The following KRCC1 variants were observed in gnomAD, a reference collection of about 807,000 sequenced individuals.
KRCC1 encodes the protein lysine rich coiled-coil 1, also known as lysine-rich coiled-coil protein 1.
KRCC1 carries 3 observed loss-of-function variants against 7.4 expected under a neutral mutation model. The observed-to-expected ratio is 0.40, with a 90% CI of 0.18 to 1.04. The LOEUF (loss-of-function observed/expected upper bound fraction) is 1.04. KRCC1 is among the 50% of genes least tolerant of loss of function. The pLI, the probability that KRCC1 is intolerant of heterozygous loss-of-function variation, is 0.33. For synonymous variants in KRCC1, 102 were observed against 101.6 expected, an observed-to-expected ratio of 1.00 and a Z score of -0.02; for missense variants, 277 against 300.9, an observed-to-expected ratio of 0.92 and a Z score of 0.59.
intron 1 of KRCC1, among the ~76,000 whole-genome samples, chr2:88,046,436 G>C (rs1025122471): frequency 2.0e-5 from 3 of 152,186 alleles, no homozygotes; most frequent in Non-Finnish European, 2.9e-5. Flanking sequence ...TTTGTATTGT[G>C]GTTCAGGATT....
intron 1 of KRCC1, among the ~76,000 whole-genome samples, chr2:88,053,225 A>G (rs912454239): frequency 6.6e-6 from 1 of 152,114 alleles, no homozygotes; most frequent in East Asian, 1.9e-4. Context: ...AGGGTCATTT[A>G]GCTGTAGGAG....
At chr2:88,029,724 G>T (rs1046291823) in intron 3 of KRCC1, among the ~76,000 whole-genome samples, 3 of 151,256 alleles carry the variant, frequency 2.0e-5, no homozygotes, top group Admixed American at 6.6e-5. Flanking sequence ...ATTCTTTTTT[G>T]GGGGGAAGGG....
Position 88,027,693 on chromosome 2 carries a change from C to T in KRCC1, c.*91G>A. 8.8e-7 allele frequency: 1 copy of T among 1,138,994 alleles called. No homozygotes were observed. Among genetic ancestry groups the T allele is most frequent in the Non-Finnish European group, 1.2e-6 (1 of 803,726 alleles). The allele number at this position is 1,138,994 out of a possible 1,614,324, so 70.6% of individuals were successfully genotyped here. Reference sequence around the variant, plus strand: ...TGTTAGAAGTTAAAGAACCTATTCACATAAGAAAAGTGGTATGAACACGGA... The same window carrying T: ...TGTTAGAAGTTAAAGAACCTATTCATATAAGAAAAGTGGTATGAACACGGA... On this transcript the variant is annotated 3_prime_UTR_variant, in exon 4 of 4. Coordinates refer to ENST00000347055, the MANE Select transcript of KRCC1 (RefSeq NM_016618.3).
intron 1 of KRCC1, among the ~76,000 whole-genome samples, chr2:88,045,427 T>A (rs1673307607): frequency 6.6e-6 from 1 of 152,162 alleles, no homozygotes; most frequent in South Asian, 2.1e-4. Flanking sequence ...GCAACACGGA[T>A]GAATCTCAAA....
chr2:88,038,980 C>G (rs1018232228), intron 1 of KRCC1, among the ~76,000 whole-genome samples: 1 of 152,124 alleles, frequency 6.6e-6, no homozygotes, highest in Admixed American at 6.5e-5. Context: ...GTATTAGACA[C>G]GCTGCTTCAG....
chr2:88,037,228 G>C (rs1165410644), intron 1 of KRCC1, among the ~76,000 whole-genome samples, 177 bp from the exon 2 acceptor site: 1 of 152,170 alleles, frequency 6.6e-6, no homozygotes, highest in South Asian at 2.1e-4. Flanking sequence ...AAAATATTTA[G>C]TAAGACTGTA....
At chr2:88,039,665 G>A (rs899646757) in intron 1 of KRCC1, among the ~76,000 whole-genome samples, 12 of 152,018 alleles carry the variant, frequency 7.9e-5, no homozygotes, top group African/African-American at 2.9e-4. Context: ...TCCAGCCTGG[G>A]CGACAAAGTG....
rs577575603 is a variant in KRCC1, at chr2:88,032,143, A to AAATT, written c.-23+1987_-23+1990dup. Among the ~76,000 whole-genome samples the AAATT allele has an allele frequency of 1.2e-4, 18 of 152,118 alleles. No homozygotes were observed. The East Asian group carries it at 2.1e-3, about 18-fold the overall frequency. On this transcript the variant is annotated intron_variant, in intron 3 of 3. Coordinates refer to ENST00000347055, the MANE Select transcript of KRCC1 (RefSeq NM_016618.3). ...GGTGACAGAGTGATACTCTGTCTCA[A>AAATT]AATTAATTAATTAATTAATTAATTT...
chr2:88,029,608 G>A (rs1342125437), intron 3 of KRCC1, among the ~76,000 whole-genome samples: 1 of 151,876 alleles, frequency 6.6e-6, no homozygotes, highest in African/African-American at 2.4e-5. Context: ...GTACTGGTGA[G>A]AGGAATAAGG....
At chr2:88,051,721 G>T (rs955654286) in intron 1 of KRCC1, among the ~76,000 whole-genome samples, 1 of 152,172 alleles carries the variant, frequency 6.6e-6, no homozygotes, top group African/African-American at 2.4e-5. Context: ...TGTCATCTGA[G>T]ATTACTTTTT....
chr2:88,051,584 G>GT (rs1673488208), intron 1 of KRCC1, among the ~76,000 whole-genome samples: 1 of 152,198 alleles, frequency 6.6e-6, no homozygotes. Flanking sequence ...TCAAGTGGCA[G>GT]TAACTGAAAT....
intron 1 of KRCC1, among the ~76,000 whole-genome samples, chr2:88,049,301 T>C (rs966297260): frequency 2.0e-5 from 3 of 152,216 alleles, no homozygotes; most frequent in Non-Finnish European, 2.9e-5. Flanking sequence ...CCAAGGCAGA[T>C]ATCCTACATC....
At chr2:88,033,733 G>A (rs1284952298) in intron 3 of KRCC1, among the ~76,000 whole-genome samples, 1 of 152,182 alleles carries the variant, frequency 6.6e-6, no homozygotes, top group African/African-American at 2.4e-5. Flanking sequence ...TGGAAAAATT[G>A]GAAACTTCAT....
At chr2:88,052,672 G>A (rs1440847333) in intron 1 of KRCC1, among the ~76,000 whole-genome samples, 2 of 152,200 alleles carry the variant, frequency 1.3e-5, no homozygotes, top group African/African-American at 4.8e-5. Context: ...AAAGCTAGGT[G>A]CACACGACTA....
chr2:88,051,764 T>C (rs554648898), intron 1 of KRCC1, among the ~76,000 whole-genome samples: 7 of 152,256 alleles, frequency 4.6e-5, no homozygotes, highest in African/African-American at 1.7e-4. Context: ...AAGTTTCATA[T>C]GCTTTATGAA....
At chr2:88,047,297 G>C (rs1421258940) in intron 1 of KRCC1, among the ~76,000 whole-genome samples, 1 of 151,922 alleles carries the variant, frequency 6.6e-6, no homozygotes, top group Non-Finnish European at 1.5e-5. Context: ...TGCCTAGGCT[G>C]GTCTCAAACT....
At chr2:88,037,367 A>G (rs1673112250) in intron 1 of KRCC1, among the ~76,000 whole-genome samples, 2 of 152,214 alleles carry the variant, frequency 1.3e-5, no homozygotes, top group Admixed American at 1.3e-4. Context: ...AAAGCTAACA[A>G]TCTCAAGAAA....
Position 88,027,710 on chromosome 2 carries a change from GAACACGGATATCAT to G in KRCC1, c.*60_*73del. On this transcript the variant is annotated 3_prime_UTR_variant, in exon 4 of 4. Coordinates refer to ENST00000347055, the MANE Select transcript of KRCC1 (RefSeq NM_016618.3). ...CCTATTCACATAAGAAAAGTGGTATGAACACGGATATCATAAAACCAAGCTCTCACCTATTTTTT... is the reference window on the plus strand; with the variant it reads ...CCTATTCACATAAGAAAAGTGGTATGAAAACCAAGCTCTCACCTATTTTTT... The G allele has an allele frequency of 8.2e-6, 11 of 1,334,240 alleles. No homozygotes were observed. Among genetic ancestry groups the G allele is most frequent in the Non-Finnish European group, 1.1e-5 (11 of 973,850 alleles). The allele number at this position is 1,334,240 out of a possible 1,614,324, so 82.7% of individuals were successfully genotyped here.
intron 1 of KRCC1, among the ~76,000 whole-genome samples, chr2:88,037,450 C>G (rs941910427): frequency 6.6e-6 from 1 of 152,168 alleles, no homozygotes; most frequent in South Asian, 2.1e-4. Context: ...ATGGGGGAAC[C>G]ACAAACCATC....
Sources: allele counts gnomAD v4.1 joint callset (sites outside exome capture counted in the v4.1 genomes callset), GRCh38; gene constraint gnomAD v4.1.1; transcripts MANE v1.5; gene names NCBI Gene and HGNC (gene_info 2026-07-23, HGNC 2026-07-21).